WBP11: variants seen among roughly 807,000 people sequenced by gnomAD.
WBP11 encodes the protein WW domain-binding protein 11.
A neutral mutation model predicts 66.7 loss-of-function variants in WBP11; 12 were observed. The observed-to-expected ratio is 0.18, with a 90% CI of 0.12 to 0.29. The LOEUF (loss-of-function observed/expected upper bound fraction) is 0.29, where lower values mean the gene tolerates loss of function less well. Ranked by LOEUF, WBP11 falls within the 10% of genes least tolerant of loss-of-function variation. The pLI, the probability that WBP11 is intolerant of heterozygous loss-of-function variation, is 1.00. For missense variants in WBP11, 555 were observed against 818.3 expected, an observed-to-expected ratio of 0.68 and a Z score of 3.93; for synonymous variants, 255 against 273.8, an observed-to-expected ratio of 0.93 and a Z score of 0.68.
chr12:14,790,572 G>A lies in WBP11; in HGVS notation c.1193C>T (p.Pro398Leu). Residue 398 changes from proline to leucine, a missense_variant, in exon 10 of 12, where the codon CCT becomes CTT. By Grantham distance (98) the Pro-to-Leu change is moderately conservative. This residue lies in a region of WBP11 where 230 missense variants were observed against 286.3 expected (regional missense o/e 0.80). Coordinates refer to ENST00000261167, the MANE Select transcript of WBP11 (RefSeq NM_016312.3). ...GGGAGGTGCTTGTATCTGAGAAGGA[G>A]GAACAGACTGCGGCGGAGCCTGCTG... ...SQQQAPPQSV[P>L]PSQIQAPPMP... The A allele has an allele frequency of 1.9e-6, 3 of 1,614,018 alleles. No homozygotes were observed. Among genetic ancestry groups the A allele is most frequent in the Non-Finnish European group, 2.5e-6 (3 of 1,179,874 alleles).
At chr12:14,802,064 T>C (rs1949971022) in intron 1 of WBP11, 1 of 152,236 alleles carries the variant, frequency 6.6e-6, no homozygotes, top group African/African-American at 2.4e-5. Context: ...ATTAGTGCTA[T>C]ACTGAGAGCT....
intron 7 of WBP11, 64 bp from the exon 8 acceptor site, chr12:14,793,986 G>A (rs1180730553): frequency 9.6e-7 from 1 of 1,037,778 alleles, no homozygotes; most frequent in Non-Finnish European, 1.3e-6. Flanking sequence ...ATGGTACCCA[G>A]AAATACAGAA....
chr12:14,791,319 A>C (rs778033363), intron 8 of WBP11, 49 bp from the exon 9 acceptor site: 2 of 1,527,412 alleles, frequency 1.3e-6, no homozygotes, highest in African/African-American at 1.4e-5. Flanking sequence ...AACAAAATTC[A>C]GTAAATGTTT....
intron 1 of WBP11, chr12:14,801,846 G>A (rs1428669365): frequency 6.2e-6 from 1 of 161,564 alleles, no homozygotes; most frequent in Non-Finnish European, 1.4e-5. Context: ...AGAAGGGAAT[G>A]GGGGTAATGG....
intron 11 of WBP11, among the ~76,000 whole-genome samples, chr12:14,788,147 G>C (rs904768304): frequency 1.3e-5 from 2 of 152,152 alleles, no homozygotes; most frequent in Admixed American, 6.5e-5. Flanking sequence ...GCTGAGGCAG[G>C]AGAATTGCTT....
rs1455344674 is a variant in WBP11, at chr12:14,787,106, C to G, written c.1885G>C (p.Val629Leu). ...VPVSVQTKDD[V>L]YEAFMKEMEG... is the part of the protein sequence containing the mutation. The stretch of plus-strand genomic sequence containing the variant: ...ATCTCTTTCATGAAAGCCTCATAGA[C>G]ATCATCCTTAGTTTGTACTGAGACA... The change falls in exon 12 of 12, where the codon GTC becomes CTC. Residue 629 changes from valine to leucine, a missense_variant. Coordinates refer to ENST00000261167, the MANE Select transcript of WBP11 (RefSeq NM_016312.3). 1 of 1,613,728 alleles carries G rather than the reference C, an allele frequency of 6.2e-7. No individual in the cohort carries two copies. The highest frequency in any genetic ancestry group is 8.5e-7 in the Non-Finnish European group (1 of 1,179,892).
In WBP11 at chr12:14,796,818, C is replaced by T; in HGVS notation, c.376G>A (p.Asp126Asn). The change falls in exon 5 of 12, where the codon GAT becomes AAT. Residue 126 changes from aspartate to asparagine, a missense_variant. Coordinates refer to ENST00000261167, the MANE Select transcript of WBP11 (RefSeq NM_016312.3). This position sits in a 1 kb window ranked among gnomAD's most constrained non-coding sequence, Gnocchi z 4.5. ...QKRAQLSQYF[D>N]AVKNAQHVEV... is the part of the protein sequence containing the mutation. The stretch of plus-strand genomic sequence containing the variant: ...AAAACCTTGATTACCTTGACAGCAT[C>T]AAAATATTGGCTAAGTTGAGCCCTC... 4.4e-6 allele frequency: 7 copies of T among 1,590,252 alleles called. No homozygotes were observed. The highest frequency in any genetic ancestry group is 6.0e-6 in the Non-Finnish European group (7 of 1,173,530).
intron 8 of WBP11, among the ~76,000 whole-genome samples, chr12:14,792,682 A>T (rs1481445697): frequency 6.6e-6 from 1 of 152,008 alleles, no homozygotes; most frequent in Admixed American, 6.6e-5. Context: ...AAAATACAAA[A>T]ATTAGCTGGG....
chr12:14,788,927 T>TA, intron 11 of WBP11, 24 bp downstream of exon 11: 1 of 1,355,682 alleles, frequency 7.4e-7, no homozygotes, highest in Non-Finnish European at 9.7e-7. Flanking sequence ...GCTAAGTTTT[T>TA]ATTATAGAAA....
Position 14,784,933 on chromosome 12 carries a change from T to C in WBP11, c.*2132A>G, listed in dbSNP as rs1261944597. The C allele has an allele frequency of 3.1e-5, 3 of 95,240 alleles. No homozygotes were observed. Among genetic ancestry groups the C allele is most frequent in the African/African-American group, 8.8e-5 (2 of 22,736 alleles). 5.9% of individuals were successfully genotyped at this position (95,240 alleles called of 1,614,324 possible). ...CTTTCCTGTGGATGCAGCTGATGTATTGTCACACCACTAATTTTCAGAAAA... is the reference window on the plus strand; with the variant it reads ...CTTTCCTGTGGATGCAGCTGATGTACTGTCACACCACTAATTTTCAGAAAA... On this transcript the variant is annotated 3_prime_UTR_variant, in exon 12 of 12. Coordinates refer to ENST00000261167, the MANE Select transcript of WBP11 (RefSeq NM_016312.3).
chr12:14,800,793 G>A lies in WBP11; in HGVS notation c.65-10C>T. ...TTCCGGGCTTCCTTTCCTTTAAAAG[G>A]AGAGAGGGAGATATAATAAAATCTT... On this transcript the variant is annotated splice_polypyrimidine_tract_variant and intron_variant, in intron 2 of 11. Coordinates refer to ENST00000261167, the MANE Select transcript of WBP11 (RefSeq NM_016312.3). 2 of 1,597,392 alleles carry A rather than the reference G, an allele frequency of 1.3e-6. No homozygotes were observed. The highest frequency in any genetic ancestry group is 1.1e-5 in the South Asian group (1 of 89,494).
At chr12:14,790,828 A>G in intron 9 of WBP11, 79 bp from the exon 10 acceptor site, 2 of 1,341,168 alleles carry the variant, frequency 1.5e-6, no homozygotes, top group Non-Finnish European at 2.0e-6. Context: ...CTGAATACAC[A>G]TGGTTAATAA....
chr12:14,796,203 TTA>T lies in WBP11; in HGVS notation c.387+602_387+603del, dbSNP rs558429091. On this transcript the variant is annotated intron_variant, in intron 5 of 11. Transcript: ENST00000261167. The surrounding 1 kb of genome is among the most constrained non-coding windows in gnomAD (Gnocchi z 4.5). ...TTTTTATTCCATGCTGTTTTGAGTATTAGATTATTCCTTTTATTGCTGAATAG... is the reference window on the plus strand; with the variant it reads ...TTTTTATTCCATGCTGTTTTGAGTATGATTATTCCTTTTATTGCTGAATAG... Among the ~76,000 whole-genome samples the T allele has an allele frequency of 1.3e-5, 2 of 152,220 alleles. No homozygotes were observed. Among genetic ancestry groups the T allele is most frequent in the Non-Finnish European group, 2.9e-5 (2 of 68,028 alleles).
At chr12:14,800,596 T>C (rs1949950451) in intron 3 of WBP11, among the ~76,000 whole-genome samples, 156 bp downstream of exon 3, 1 of 152,160 alleles carries the variant, frequency 6.6e-6, no homozygotes, top group Admixed American at 6.5e-5. Context: ...AGTTCCTAAA[T>C]AAAGTTTGGC....
intron 8 of WBP11, among the ~76,000 whole-genome samples, chr12:14,793,065 A>T (rs1035452865): frequency 6.6e-6 from 1 of 152,140 alleles, no homozygotes. Flanking sequence ...ACACAGCAGG[A>T]GAAAAATTTG....
intron 8 of WBP11, among the ~76,000 whole-genome samples, chr12:14,793,023 G>C (rs1014542878): frequency 6.6e-6 from 1 of 151,908 alleles, no homozygotes; most frequent in Non-Finnish European, 1.5e-5. Context: ...TTTTTAACCA[G>C]CTTTTTTGTT....
intron 7 of WBP11, 93 bp from the exon 8 acceptor site, chr12:14,794,015 A>C: frequency 3.7e-6 from 3 of 817,594 alleles, no homozygotes; most frequent in Non-Finnish European, 5.2e-6. Context: ...TATTCAACTC[A>C]GACTGTAACA....
rs771932592 is a variant in WBP11, at chr12:14,794,616, C to T, written c.642G>A (p.Met214Ile). Residue 214 changes from methionine to isoleucine, a missense_variant, in exon 7 of 12, where the codon ATG (methionine) becomes ATA (isoleucine). This residue lies in a region of WBP11 where 220 missense variants were observed against 268.2 expected (regional missense o/e 0.82). Coordinates refer to ENST00000261167, the MANE Select transcript of WBP11 (RefSeq NM_016312.3). ...GGGCAAAACCCACTTTACGGCCATA[C>T]ATCTGCACGACTTGAGGAGGAGGTG... is the stretch of plus-strand genomic sequence containing the variant. ...PGPPPPQVVQ[M>I]YGRKVGFALD... The T allele has an allele frequency of 1.2e-6, 2 of 1,614,042 alleles. No homozygotes were observed. The highest frequency in any genetic ancestry group is 1.7e-5 in the Admixed American group (1 of 60,010).
chr12:14,794,611 C>A lies in WBP11; in HGVS notation c.647G>T (p.Gly216Val). The A allele has an allele frequency of 6.2e-7, 1 of 1,614,042 alleles. No individual in the cohort carries two copies. The highest frequency in any genetic ancestry group is 8.5e-7 in the Non-Finnish European group (1 of 1,179,994). Residue 216 changes from glycine to valine, a missense_variant, in exon 7 of 12, where the codon GGC becomes GTC. By Grantham distance (109) the Gly-to-Val change is moderately radical (BLOSUM62 -3). Coordinates refer to ENST00000261167, the MANE Select transcript of WBP11 (RefSeq NM_016312.3). ...ATCTAGGGCAAAACCCACTTTACGG[C>A]CATACATCTGCACGACTTGAGGAGG... Reference protein sequence around the residue: ...PPPPQVVQMYGRKVGFALDLP... With the variant: ...PPPPQVVQMYVRKVGFALDLP...
Sources: allele counts gnomAD v4.1 joint callset (sites outside exome capture counted in the v4.1 genomes callset), GRCh38; gene constraint gnomAD v4.1.1; regional missense constraint gnomAD v4.1.1; non-coding constraint Gnocchi (gnomAD v3.1); transcripts MANE v1.5; gene names NCBI Gene and HGNC (gene_info 2026-07-23, HGNC 2026-07-21).